ORC5: variants seen among roughly 807,000 people sequenced by gnomAD.
ORC5 encodes the protein origin recognition complex subunit 5, also known as protein phosphatase 1, regulatory subunit 117.
Under a neutral mutation model 58.8 loss-of-function variants are expected in ORC5, and 39 were observed. That is an observed-to-expected ratio of 0.66 (90% CI 0.51 to 0.87). The LOEUF (loss-of-function observed/expected upper bound fraction) is 0.87, where lower values mean the gene tolerates loss of function less well. ORC5 is among the 40% of genes least tolerant of loss of function. The pLI, the probability that ORC5 is intolerant of heterozygous loss-of-function variation, is 0.00. For missense variants in ORC5, 493 were observed against 506.3 expected, an observed-to-expected ratio of 0.97 and a Z score of 0.25; for synonymous variants, 218 against 177.6, an observed-to-expected ratio of 1.23 and a Z score of -1.81.
intron 3 of ORC5, among the ~76,000 whole-genome samples, chr7:104,199,617 C>T (rs1215533581): frequency 6.6e-6 from 1 of 152,254 alleles, no homozygotes; most frequent in Non-Finnish European, 1.5e-5. Context: ...CCTGTATCTC[C>T]ATTGTATCTA....
chr7:104,128,994 T>C (rs1332317905), intron 13 of ORC5, among the ~76,000 whole-genome samples: 1 of 151,828 alleles, frequency 6.6e-6, no homozygotes, highest in Non-Finnish European at 1.5e-5. Flanking sequence ...TAAATTACAA[T>C]ACATTATTTG....
intron 5 of ORC5, among the ~76,000 whole-genome samples, chr7:104,188,906 G>T (rs1019495412): frequency 6.6e-6 from 1 of 152,046 alleles, no homozygotes; most frequent in African/African-American, 2.4e-5. Context: ...TGCTGGCCAT[G>T]TGAAGATGTG....
intron 12 of ORC5, among the ~76,000 whole-genome samples, chr7:104,141,457 T>A (rs764823455): frequency 1.3e-5 from 2 of 152,130 alleles, no homozygotes; most frequent in Non-Finnish European, 2.9e-5. Flanking sequence ...GTTAGTAAGA[T>A]CTATCTTTTG....
At position 104,147,165 on chromosome 7, in the gene ORC5, T is replaced by A. The variant is rs555664692; in HGVS notation, c.1150-10272A>T. On this transcript the variant is annotated intron_variant, in intron 12 of 13. Coordinates refer to ENST00000297431, the MANE Select transcript of ORC5 (RefSeq NM_002553.4). The stretch of plus-strand genomic sequence containing the variant: ...TTTAACCCTTATTTGTAAAGATTTT[T>A]AAATCTCTCCTACTTAAAGGCAGAT... 1.2e-4 allele frequency among the ~76,000 whole-genome samples: 19 copies of A among 152,278 alleles called. No individual in the cohort carries two copies. The East Asian group carries it at 3.7e-3, about 29-fold the overall frequency.
intron 3 of ORC5, among the ~76,000 whole-genome samples, chr7:104,198,800 C>A (rs554498632): frequency 1.3e-5 from 2 of 152,200 alleles, no homozygotes; most frequent in African/African-American, 4.8e-5. Flanking sequence ...AAGGTCTTCA[C>A]GTGGCAGCCC....
chr7:104,174,320 A>G (rs946752280), intron 8 of ORC5, among the ~76,000 whole-genome samples: 1 of 152,182 alleles, frequency 6.6e-6, no homozygotes, highest in Non-Finnish European at 1.5e-5. Context: ...GGTCCCCACC[A>G]TCTAAAACAC....
rs368422317 is a variant in ORC5 at position 104,198,950 on chromosome 7, G to A, written c.367-1151C>T. ...GGGCCAGCGTATAGCTCAGGCTGTT[G>A]CTTCAGAGAGTGCAAGCCCCAAGCC... On this transcript the variant is annotated intron_variant, in intron 3 of 13. Transcript: ENST00000297431. Among the ~76,000 whole-genome samples the A allele has an allele frequency of 2.2e-4, 34 of 152,356 alleles. 1 individual carries two copies. The highest frequency in any genetic ancestry group is 8.2e-4 in the African/African-American group (34 of 41,590).
In ORC5 at chr7:104,170,626, G is replaced by C. The variant is rs149747671; in HGVS notation, c.825-2101C>G. On this transcript the variant is annotated intron_variant, in intron 8 of 13. Transcript: ENST00000297431. ...AGACTTCTGACATACAAAACTGTAA[G>C]ACAGTAACTATGTGTTGTCCTAAAT... Among the ~76,000 whole-genome samples, 303 of 152,308 alleles carry C rather than the reference G, an allele frequency of 2.0e-3. 2 individuals are homozygous for C. In the East Asian group the frequency reaches 0.023, roughly 11 times the overall value.
intron 5 of ORC5, among the ~76,000 whole-genome samples, chr7:104,192,243 G>C (rs1799692069): frequency 6.6e-6 from 1 of 152,122 alleles, no homozygotes; most frequent in African/African-American, 2.4e-5. Context: ...ATCTGTACAG[G>C]GGTTCCCCTC....
Position 104,126,666 on chromosome 7 carries a change from C to A in ORC5, c.*182G>T. 1.9e-6 allele frequency: 1 copy of A among 514,406 alleles called. No individual in the cohort carries two copies. Among genetic ancestry groups the A allele is most frequent in the African/African-American group, 2.0e-5 (1 of 50,344 alleles). 31.9% of individuals were successfully genotyped at this position (514,406 alleles called of 1,614,324 possible). A position where few individuals can be genotyped will look rare whatever the true frequency, so the allele number is the denominator to read the frequency against. ...TACTCCAGGGTCCCTGGTAAATAGT[C>A]TTCTGCTCACATCCACCCAGACCAA... On this transcript the variant is annotated 3_prime_UTR_variant, in exon 14 of 14. Coordinates refer to ENST00000297431, the MANE Select transcript of ORC5 (RefSeq NM_002553.4).
Position 104,188,476 on chromosome 7 carries a change from C to G in ORC5, c.554-95G>C, listed in dbSNP as rs1298416416. The G allele has an allele frequency of 6.2e-6, 5 of 810,838 alleles. No homozygotes were observed. In the African/African-American group the frequency reaches 8.5e-5, roughly 14 times the overall value. 50.2% of individuals were successfully genotyped at this position (810,838 alleles called of 1,614,324 possible). ...TAACAAAGGTATTAAAAAAAAAACA[C>G]CCAGACCCAGCAACAATTAAGGAAT... On this transcript the variant is annotated intron_variant, in intron 5 of 13. Coordinates refer to ENST00000297431, the MANE Select transcript of ORC5 (RefSeq NM_002553.4).
At chr7:104,186,660 C>T (rs1799550040) in intron 6 of ORC5, among the ~76,000 whole-genome samples, 1 of 152,028 alleles carries the variant, frequency 6.6e-6, no homozygotes, top group Non-Finnish European at 1.5e-5. Flanking sequence ...ATTTAATAAA[C>T]TTTCAAGAAA....
intron 8 of ORC5, among the ~76,000 whole-genome samples, chr7:104,179,100 GA>G (rs1374208792): frequency 1.4e-5 from 2 of 138,150 alleles, no homozygotes; most frequent in African/African-American, 2.7e-5. Flanking sequence ...AGGTTAAAAA[GA>G]AAAGTGAATT....
chr7:104,139,631 C>T (rs569711469), intron 12 of ORC5, among the ~76,000 whole-genome samples: 57 of 152,102 alleles, frequency 3.7e-4, no homozygotes, highest in African/African-American at 1.3e-3. Context: ...TATATTAATA[C>T]ATCAAAATAC....
At position 104,208,009 on chromosome 7, in the gene ORC5, G is replaced by T; in HGVS notation, c.-105C>A. 1 of 1,088,932 alleles carries T rather than the reference G, an allele frequency of 9.2e-7. No homozygotes were observed. The highest frequency in any genetic ancestry group is 1.4e-6 in the Non-Finnish European group (1 of 725,550). 67.5% of individuals were successfully genotyped at this position (1,088,932 alleles called of 1,614,324 possible). On this transcript the variant is annotated 5_prime_UTR_variant, in exon 1 of 14. Coordinates refer to ENST00000297431, the MANE Select transcript of ORC5 (RefSeq NM_002553.4). ...CGGCCCACGCTCCCGCCGGAAACCG[G>T]ACCCGCAGCGTCGTGGGAGGAGCCT...
intron 8 of ORC5, among the ~76,000 whole-genome samples, chr7:104,179,351 C>T (rs1230349501): frequency 6.6e-6 from 1 of 152,082 alleles, no homozygotes; most frequent in Non-Finnish European, 1.5e-5. Context: ...CTAAGCATGT[C>T]ATGGATGGTT....
intron 8 of ORC5, among the ~76,000 whole-genome samples, chr7:104,176,494 C>G (rs1440923004): frequency 1.3e-5 from 2 of 152,062 alleles, no homozygotes; most frequent in African/African-American, 4.8e-5. Flanking sequence ...AATTTGGTTT[C>G]TTATTGACAC....
intron 12 of ORC5, among the ~76,000 whole-genome samples, chr7:104,144,345 A>G (rs1423537644): frequency 6.6e-6 from 1 of 152,220 alleles, no homozygotes; most frequent in Non-Finnish European, 1.5e-5. Context: ...ATTTCTATAT[A>G]TGCATAAATA....
At chr7:104,177,473 T>A (rs990134905) in intron 8 of ORC5, among the ~76,000 whole-genome samples, 1 of 152,202 alleles carries the variant, frequency 6.6e-6, no homozygotes, top group Non-Finnish European at 1.5e-5. Context: ...AAATTGAGGT[T>A]ACTAAAAGTA....
Sources: gnomAD v4.1 joint callset for allele counts (sites outside exome capture counted in the v4.1 genomes callset) on GRCh38, gnomAD v4.1.1 for gene constraint, MANE v1.5 for transcripts, NCBI Gene and HGNC (gene_info 2026-07-23, HGNC 2026-07-21) for gene names.